Variants in ZNF385D observed in about 807,000 individuals in gnomAD.
ZNF385D encodes the protein zinc finger protein 659.
ZNF385D carries 15 observed loss-of-function variants against 35.8 expected under a neutral mutation model. The ratio of observed to expected loss-of-function variants is 0.42; its 90% CI spans 0.28 to 0.64. The LOEUF is 0.64. Among genes scored for constraint, ZNF385D ranks in the 30% least tolerant of loss-of-function variants. The pLI is 0.23. For synonymous variants in ZNF385D, 212 were observed against 186.8 expected, an observed-to-expected ratio of 1.13 and a Z score of -1.10; for missense variants, 474 against 494.6, an observed-to-expected ratio of 0.96 and a Z score of 0.39.
At chr3:21,801,314 T>C (rs1218812806) in intron 3 of ZNF385D, among the ~76,000 whole-genome samples, 1 of 152,178 alleles carries the variant, frequency 6.6e-6, no homozygotes, top group Non-Finnish European at 1.5e-5. Flanking sequence ...CTGGTTTTGA[T>C]ATCAGGGTAA....
chr3:22,122,842 G>A (rs1434870906), intron 3 of ZNF385D, among the ~76,000 whole-genome samples: 1 of 152,172 alleles, frequency 6.6e-6, no homozygotes, highest in Non-Finnish European at 1.5e-5. Flanking sequence ...CAAAGGCCCT[G>A]ATGTAGAAAT....
At chr3:22,341,459 G>A (rs997195407) in intron 2 of ZNF385D, among the ~76,000 whole-genome samples, 1 of 152,232 alleles carries the variant, frequency 6.6e-6, no homozygotes, top group South Asian at 2.1e-4. Context: ...AAAGTTCACT[G>A]TCCAACAACC....
intron 3 of ZNF385D, among the ~76,000 whole-genome samples, chr3:22,019,858 G>A (rs896469257): frequency 2.6e-5 from 4 of 151,204 alleles, no homozygotes; most frequent in African/African-American, 9.7e-5. Context: ...CCAAGCACAG[G>A]GTCCTCTATG....
At chr3:21,799,279 T>C (rs1387418617) in intron 3 of ZNF385D, among the ~76,000 whole-genome samples, 1 of 152,194 alleles carries the variant, frequency 6.6e-6, no homozygotes, top group Non-Finnish European at 1.5e-5. Flanking sequence ...TTTTTTGGAA[T>C]GCTTGTTTTC....
At chr3:21,578,618 C>T (rs1559425637) in intron 2 of ZNF385D, among the ~76,000 whole-genome samples, 1 of 151,930 alleles carries the variant, frequency 6.6e-6, no homozygotes, top group Non-Finnish European at 1.5e-5. Flanking sequence ...GTTCTTGGTG[C>T]CTTTGTCAAA....
chr3:21,790,962 CA>C (rs752227743), intron 3 of ZNF385D, among the ~76,000 whole-genome samples: 1 of 151,822 alleles, frequency 6.6e-6, no homozygotes, highest in Non-Finnish European at 1.5e-5. Context: ...GGTAAGGAAA[CA>C]AAAAAACAGC....
intron 3 of ZNF385D, among the ~76,000 whole-genome samples, chr3:21,564,089 G>A (rs2063054451): frequency 6.6e-6 from 1 of 152,042 alleles, no homozygotes; most frequent in Non-Finnish European, 1.5e-5. Context: ...ATACTCCTAG[G>A]ACAACTTGAG....
intron 3 of ZNF385D, among the ~76,000 whole-genome samples, chr3:22,138,543 C>T (rs1287953564): frequency 6.6e-6 from 1 of 151,342 alleles, no homozygotes; most frequent in African/African-American, 2.4e-5. Context: ...CTTTGACAAA[C>T]CTGACAAAAA....
intron 3 of ZNF385D, among the ~76,000 whole-genome samples, chr3:22,033,553 A>C (rs991213777): frequency 6.6e-6 from 1 of 152,070 alleles, no homozygotes; most frequent in Non-Finnish European, 1.5e-5. Flanking sequence ...AATTATGAGT[A>C]TGTCACAGAA....
chr3:22,211,543 T>G (rs1697523166), intron 2 of ZNF385D, among the ~76,000 whole-genome samples: 1 of 151,924 alleles, frequency 6.6e-6, no homozygotes, highest in African/African-American at 2.4e-5. Context: ...TTTGGATAGG[T>G]GAACCAGGAG....
At chr3:22,372,066 C>T (rs1190436308) in intron 2 of ZNF385D, among the ~76,000 whole-genome samples, 1 of 152,124 alleles carries the variant, frequency 6.6e-6, no homozygotes, top group African/African-American at 2.4e-5. Flanking sequence ...GACAGCAGGA[C>T]GTCCTTACCG....
intron 2 of ZNF385D, among the ~76,000 whole-genome samples, chr3:22,285,834 C>G (rs1044410882): frequency 2.2e-4 from 33 of 152,152 alleles, no homozygotes; most frequent in Non-Finnish European, 3.7e-4. Context: ...GACAGTGTCC[C>G]TAAAATATAG....
intron 2 of ZNF385D, among the ~76,000 whole-genome samples, chr3:22,188,749 C>T (rs1400365604): frequency 6.6e-6 from 1 of 152,134 alleles, no homozygotes; most frequent in Non-Finnish European, 1.5e-5. Context: ...CGCGCCCAGC[C>T]GTGTGCATAC....
intron 3 of ZNF385D, among the ~76,000 whole-genome samples, chr3:21,765,778 C>A (rs979802148): frequency 2.6e-5 from 4 of 151,802 alleles, no homozygotes; most frequent in Admixed American, 2.6e-4. Context: ...GAGAGAAAGA[C>A]AGAAAGGAAC....
intron 3 of ZNF385D, among the ~76,000 whole-genome samples, chr3:22,041,608 C>T (rs796289482): frequency 1.3e-5 from 2 of 152,196 alleles, no homozygotes; most frequent in African/African-American, 4.8e-5. Flanking sequence ...ACTGGGTGAT[C>T]TGAACACTAA....
At position 21,414,876 on chromosome 3, in the gene ZNF385D, C is replaced by T. The variant is rs1008433915; in HGVS notation, c.*6338G>A. ...TGATAAAAGTTAAACTTTCCAGGAT[C>T]TCACGAACTCAATTCCTTTTTCATC... is the stretch of plus-strand genomic sequence containing the variant. On this transcript the variant is annotated 3_prime_UTR_variant, in exon 8 of 8. Coordinates refer to ENST00000281523, the MANE Select transcript of ZNF385D (RefSeq NM_024697.3). 9 of 152,050 alleles carry T rather than the reference C, an allele frequency of 5.9e-5. No individual in the cohort carries two copies. Among genetic ancestry groups the T allele is most frequent in the African/African-American group, 2.2e-4 (9 of 41,390 alleles). 9.4% of individuals were successfully genotyped at this position (152,050 alleles called of 1,614,324 possible).
chr3:21,436,894 C>A (rs1472595511), intron 5 of ZNF385D, 76 bp downstream of exon 5: 2 of 1,382,110 alleles, frequency 1.4e-6, no homozygotes, highest in Non-Finnish European at 2.0e-6. Flanking sequence ...TTGTCCCCTG[C>A]TGCAAAAGAT....
At chr3:22,289,933 A>AAGC (rs1331017859) in intron 2 of ZNF385D, among the ~76,000 whole-genome samples, 1 of 151,982 alleles carries the variant, frequency 6.6e-6, no homozygotes. Context: ...GCTTGACTAT[A>AAGC]AGCAGCAGCA....
At chr3:22,161,234 A>G (rs1705928097) in intron 3 of ZNF385D, among the ~76,000 whole-genome samples, 1 of 152,082 alleles carries the variant, frequency 6.6e-6, no homozygotes. Flanking sequence ...GTGATATACA[A>G]ACATTGTTAT....
Sources: allele counts gnomAD v4.1 joint callset (sites outside exome capture counted in the v4.1 genomes callset), GRCh38; gene constraint gnomAD v4.1.1; transcripts MANE v1.5; gene names NCBI Gene and HGNC (gene_info 2026-07-23, HGNC 2026-07-21).